Variants in BNIP3L observed in about 807,000 individuals in gnomAD.
BNIP3L encodes BCL2 interacting protein 3 like.
A neutral mutation model predicts 25.5 loss-of-function variants in BNIP3L; 10 were observed. That is an observed-to-expected ratio of 0.39 (90% CI 0.24 to 0.67). The LOEUF (loss-of-function observed/expected upper bound fraction) is 0.67. BNIP3L is among the 30% of genes least tolerant of loss of function. BNIP3L has a pLI of 0.45. For missense variants in BNIP3L, 215 were observed against 270.9 expected, an observed-to-expected ratio of 0.79 and a Z score of 1.45; for synonymous variants, 113 against 101.2, an observed-to-expected ratio of 1.12 and a Z score of -0.70.
intron 1 of BNIP3L, among the ~76,000 whole-genome samples, chr8:26,387,804 T>C (rs1662525747): frequency 6.6e-6 from 1 of 152,252 alleles, no homozygotes; most frequent in Non-Finnish European, 1.5e-5. Context: ...TGTCAAATTA[T>C]TCTCCAGAAT....
chr8:26,406,879 ATAC>A (rs1304670594), intron 3 of BNIP3L, among the ~76,000 whole-genome samples: 1 of 151,690 alleles, frequency 6.6e-6, no homozygotes, highest in Non-Finnish European at 1.5e-5. Flanking sequence ...TGCTCAATAA[ATAC>A]TATTATTTAT....
intron 1 of BNIP3L, chr8:26,390,575 G>C (rs1310658823): frequency 1.0e-6 from 1 of 975,986 alleles, no homozygotes; most frequent in East Asian, 1.1e-4. Context: ...CAAAGGAAAT[G>C]AAGAAACTAA....
intron 3 of BNIP3L, among the ~76,000 whole-genome samples, chr8:26,396,597 A>G (rs1427235709): frequency 1.3e-5 from 2 of 149,686 alleles, no homozygotes; most frequent in African/African-American, 4.9e-5. Context: ...GCAGTTCCTC[A>G]CCAGCAACGG....
At chr8:26,388,338 TAC>T (rs981539098) in intron 1 of BNIP3L, among the ~76,000 whole-genome samples, 2 of 152,206 alleles carry the variant, frequency 1.3e-5, no homozygotes, top group Admixed American at 1.3e-4. Flanking sequence ...TCGAGGTAGA[TAC>T]AGTTATTATC....
At position 26,383,207 on chromosome 8, in the gene BNIP3L, T is replaced by C; in HGVS notation, c.77T>C (p.Leu26Pro). 1.2e-6 allele frequency: 2 copies of C among 1,611,342 alleles called. No individual in the cohort carries two copies. Among genetic ancestry groups the C allele is most frequent in the Non-Finnish European group, 1.7e-6 (2 of 1,179,434 alleles). ...AACTGCGAGGAAAATGAGCAGTCTC[T>C]GCCCCCGCCGGCCGGCCTCAACAGT... ...NNNCEENEQS[L>P]PPPAGLNSSW... The change falls in exon 1 of 6, where the codon CTG becomes CCG. Residue 26 changes from leucine to proline, a missense_variant. Leu to Pro is a moderately conservative substitution (Grantham distance 98). Around this residue, in one of 4 missense-constraint regions of BNIP3L, gnomAD observed 69 missense variants for 53.6 expected, o/e 1.29. Coordinates refer to ENST00000380629, the MANE Select transcript of BNIP3L (RefSeq NM_004331.3).
At chr8:26,401,473 G>A (rs1050325695) in intron 3 of BNIP3L, among the ~76,000 whole-genome samples, 8 of 150,962 alleles carry the variant, frequency 5.3e-5, no homozygotes, top group Middle Eastern at 3.4e-3. Context: ...GCTAGATGAC[G>A]AGTTAGTGGG....
intron 3 of BNIP3L, among the ~76,000 whole-genome samples, chr8:26,406,510 T>C (rs1172448942): frequency 6.6e-6 from 1 of 152,120 alleles, no homozygotes; most frequent in East Asian, 1.9e-4. Context: ...ATAGGGTTAT[T>C]TGTTGCAAGG....
chr8:26,409,239 C>G (rs192984156), intron 5 of BNIP3L, among the ~76,000 whole-genome samples: 14 of 151,758 alleles, frequency 9.2e-5, no homozygotes, highest in African/African-American at 3.4e-4. Flanking sequence ...TGCTTTTTTT[C>G]CTTGATTTAA....
At chr8:26,403,183 C>T (rs1396218339) in intron 3 of BNIP3L, among the ~76,000 whole-genome samples, 1 of 152,168 alleles carries the variant, frequency 6.6e-6, no homozygotes, top group Non-Finnish European at 1.5e-5. Flanking sequence ...TTTGGAAAGA[C>T]AGCCTAACCC....
At chr8:26,397,540 G>A (rs1275849227) in intron 3 of BNIP3L, among the ~76,000 whole-genome samples, 3 of 110,592 alleles carry the variant, frequency 2.7e-5, no homozygotes, top group Non-Finnish European at 3.7e-5. Flanking sequence ...AAAGACCATC[G>A]AGACTAGGAA....
intron 3 of BNIP3L, among the ~76,000 whole-genome samples, 154 bp downstream of exon 3, chr8:26,395,456 C>T (rs1806212147): frequency 6.6e-6 from 1 of 152,144 alleles, no homozygotes; most frequent in Non-Finnish European, 1.5e-5. Flanking sequence ...TGATATAGTT[C>T]TTGTCGCACT....
Position 26,403,815 on chromosome 8 carries a change from C to T in BNIP3L, c.358-4185C>T, listed in dbSNP as rs571639812. 1.2e-4 allele frequency among the ~76,000 whole-genome samples: 19 copies of T among 152,248 alleles called. No homozygotes were observed. In the South Asian group the frequency reaches 3.5e-3, roughly 28 times the overall value. ...TCGGCCTCCCAAAGTGCTGGAATTA[C>T]AGACATGAGTTACTACTCCCACCTC... On this transcript the variant is annotated intron_variant, in intron 3 of 5. Transcript: ENST00000380629.
chr8:26,407,208 C>T (rs563092698), intron 3 of BNIP3L, among the ~76,000 whole-genome samples: 2 of 147,900 alleles, frequency 1.4e-5, no homozygotes, highest in South Asian at 2.2e-4. Context: ...TTTTTTGAGG[C>T]GGAGTCTCGC....
rs1214697634 is a variant in BNIP3L at position 26,410,438 on chromosome 8, C to T, written c.*26C>T. 4.3e-6 allele frequency: 7 copies of T among 1,613,474 alleles called. No individual in the cohort carries two copies. The highest frequency in any genetic ancestry group is 1.7e-5 in the Admixed American group (1 of 59,998). ...GGGAAAGGAAAAGCCCCTGGAAATG[C>T]GTGTGACCTGTGAAGTGGTGTATTG... is the stretch of plus-strand genomic sequence containing the variant. On this transcript the variant is annotated 3_prime_UTR_variant, in exon 6 of 6. Coordinates refer to ENST00000380629, the MANE Select transcript of BNIP3L (RefSeq NM_004331.3).
At chr8:26,403,694 G>A (rs781055148) in intron 3 of BNIP3L, among the ~76,000 whole-genome samples, 5 of 151,788 alleles carry the variant, frequency 3.3e-5, no homozygotes, top group African/African-American at 7.3e-5. Context: ...ACACTGCCAC[G>A]CCTGGCTACT....
intron 3 of BNIP3L, among the ~76,000 whole-genome samples, chr8:26,399,144 T>G (rs1296093550): frequency 1.6e-5 from 2 of 127,288 alleles, no homozygotes; most frequent in African/African-American, 6.2e-5. Flanking sequence ...ATATCCTTGA[T>G]GAACATTGAT....
chr8:26,394,060 A>G, intron 2 of BNIP3L, among the ~76,000 whole-genome samples: 1 of 152,112 alleles, frequency 6.6e-6, no homozygotes, highest in East Asian at 1.9e-4. Context: ...TTAAGCCCCA[A>G]ATATTTTTTA....
intron 1 of BNIP3L, among the ~76,000 whole-genome samples, chr8:26,387,074 G>A (rs142170132): frequency 1.4e-4 from 22 of 152,164 alleles, no homozygotes; most frequent in African/African-American, 5.1e-4. Flanking sequence ...GGAAAGATGA[G>A]GAGAAATACT....
At chr8:26,398,715 A>G (rs1335844361) in intron 3 of BNIP3L, among the ~76,000 whole-genome samples, 2 of 145,396 alleles carry the variant, frequency 1.4e-5, no homozygotes, top group Admixed American at 6.9e-5. Flanking sequence ...AACAAAATTG[A>G]TAGACCGCTA....
Sources: gnomAD v4.1 joint callset for allele counts (sites outside exome capture counted in the v4.1 genomes callset) on GRCh38, gnomAD v4.1.1 for gene constraint, gnomAD v4.1.1 regional missense constraint, MANE v1.5 for transcripts, NCBI Gene and HGNC (gene_info 2026-07-23, HGNC 2026-07-21) for gene names.